NEO1: variants seen among roughly 807,000 people sequenced by gnomAD.
NEO1 encodes the protein neogenin 1, also known as neogenin.
NEO1 carries 63 observed loss-of-function variants against 159.7 expected under a neutral mutation model. That is an observed-to-expected ratio of 0.39 (90% confidence interval 0.32 to 0.49). NEO1 has a LOEUF of 0.49. Among genes scored for constraint, NEO1 ranks in the 20% least tolerant of loss-of-function variants. The probability of loss-of-function intolerance (pLI) is 0.85; values close to 1 mark genes in which losing one functional copy is unlikely to be tolerated. For synonymous variants in NEO1, 633 were observed against 662.0 expected (o/e 0.96, Z 0.67); for missense variants, 1,615 against 1,831.0 (o/e 0.88, Z 2.15).
intron 1 of NEO1, among the ~76,000 whole-genome samples, chr15:73,095,405 G>A (rs981416994): frequency 2.6e-5 from 4 of 152,122 alleles, no homozygotes; most frequent in African/African-American, 9.7e-5. Context: ...GCCCTCTACA[G>A]AAAATATTTG....
chr15:73,275,915 A>G (rs773813244), intron 21 of NEO1, among the ~76,000 whole-genome samples: 1 of 152,170 alleles, frequency 6.6e-6, no homozygotes, highest in Non-Finnish European at 1.5e-5. Flanking sequence ...TAGAATTGCA[A>G]GTTATTTGGA....
chr15:73,262,822 TTCA>T (rs1475456752), intron 15 of NEO1, among the ~76,000 whole-genome samples: 1 of 152,202 alleles, frequency 6.6e-6, no homozygotes, highest in Non-Finnish European at 1.5e-5. Flanking sequence ...ATAACAAATT[TTCA>T]TCAACAGGTA....
At chr15:73,179,627 G>T (rs1257925522) in intron 7 of NEO1, among the ~76,000 whole-genome samples, 2 of 152,150 alleles carry the variant, frequency 1.3e-5, no homozygotes, top group South Asian at 2.1e-4. Context: ...ACATATGCCA[G>T]CTGGCAAAGG....
At chr15:73,104,613 C>G (rs1324298049) in intron 1 of NEO1, among the ~76,000 whole-genome samples, 1 of 152,106 alleles carries the variant, frequency 6.6e-6, no homozygotes, top group Non-Finnish European at 1.5e-5. Flanking sequence ...GATTTGATAG[C>G]CAACAGATGA....
intron 21 of NEO1, among the ~76,000 whole-genome samples, chr15:73,276,323 T>C (rs187946562): frequency 9.4e-4 from 143 of 152,352 alleles, no homozygotes; most frequent in Non-Finnish European, 1.4e-3. Flanking sequence ...TCTTTGACAA[T>C]TAGGTACATA....
chr15:73,184,281 G>A lies in NEO1; in HGVS notation c.1291+5854G>A, dbSNP rs576083014. 7.9e-5 allele frequency among the ~76,000 whole-genome samples: 12 copies of A among 152,142 alleles called. No individual in the cohort carries two copies. In the South Asian group the frequency reaches 8.3e-4, roughly 11 times the overall value. On this transcript the variant is annotated intron_variant, in intron 7 of 28. Coordinates refer to ENST00000261908, the MANE Select transcript of NEO1 (RefSeq NM_002499.4). ...AGCAATTCTCCTGCCTCAGCCTCCC[G>A]AGTAGCTGGGATTACAGGTGCGTGC...
At chr15:73,057,377 C>G (rs1043078885) in intron 1 of NEO1, among the ~76,000 whole-genome samples, 3 of 151,766 alleles carry the variant, frequency 2.0e-5, no homozygotes, top group South Asian at 2.1e-4. Flanking sequence ...GTCTTTTTTC[C>G]AAACACTTTA....
intron 7 of NEO1, among the ~76,000 whole-genome samples, chr15:73,224,334 T>G (rs2038455006): frequency 1.3e-5 from 2 of 152,172 alleles, no homozygotes; most frequent in African/African-American, 4.8e-5. Flanking sequence ...TTTTTGTGCT[T>G]CTTGTATTTG....
At position 73,303,559 on chromosome 15, in the gene NEO1, C is replaced by G. The variant is rs370405748; in HGVS notation, c.*863C>G. The stretch of plus-strand genomic sequence containing the variant: ...TCCTGTGAATGTTTCTGTCATTGTA[C>G]TTTCTTCCAGAAGCCTGCAGAGAAT... On this transcript the variant is annotated 3_prime_UTR_variant, in exon 29 of 29. Coordinates refer to ENST00000261908, the MANE Select transcript of NEO1 (RefSeq NM_002499.4). The G allele has an allele frequency of 3.9e-5, 6 of 151,918 alleles. No individual in the cohort carries two copies. Among genetic ancestry groups the G allele is most frequent in the African/African-American group, 1.5e-4 (6 of 41,192 alleles). The allele number at this position is 151,918 out of a possible 1,614,324, so 9.4% of individuals were successfully genotyped here.
chr15:73,273,510 G>C (rs1211463803), intron 19 of NEO1, among the ~76,000 whole-genome samples: 2 of 152,142 alleles, frequency 1.3e-5, no homozygotes, highest in Non-Finnish European at 2.9e-5. Flanking sequence ...ATAGATTCAT[G>C]GTTGTGATGC....
At chr15:73,064,965 C>T (rs2068142750) in intron 1 of NEO1, among the ~76,000 whole-genome samples, 1 of 151,984 alleles carries the variant, frequency 6.6e-6, no homozygotes, top group Non-Finnish European at 1.5e-5. Context: ...TTCCTGCCTT[C>T]CTTGGATTAT....
chr15:73,163,270 T>C (rs2034320215), intron 5 of NEO1, among the ~76,000 whole-genome samples: 1 of 152,196 alleles, frequency 6.6e-6, no homozygotes, highest in African/African-American at 2.4e-5. Context: ...TTTCAGCTTA[T>C]TCTTTTGGCT....
At chr15:73,281,026 A>C (rs899818226) in intron 22 of NEO1, among the ~76,000 whole-genome samples, 3 of 151,450 alleles carry the variant, frequency 2.0e-5, no homozygotes, top group African/African-American at 7.3e-5. Flanking sequence ...AAACACTGTG[A>C]AACCCCGTCT....
At chr15:73,122,065 A>ATATG (rs1301262175) in intron 2 of NEO1, among the ~76,000 whole-genome samples, 1 of 12,512 alleles carries the variant, frequency 8.0e-5, no homozygotes, top group African/African-American at 4.8e-4. Flanking sequence ...GTGTGTGTGT[A>ATATG]TATATATATA....
intron 5 of NEO1, among the ~76,000 whole-genome samples, chr15:73,150,288 A>G (rs2151831662): frequency 1.3e-5 from 2 of 152,340 alleles, no homozygotes; most frequent in Middle Eastern, 6.8e-3. Flanking sequence ...TTTTCAGAAT[A>G]CAGTGCTTTT....
chr15:73,085,525 G>A (rs2069309658), intron 1 of NEO1, among the ~76,000 whole-genome samples: 1 of 152,136 alleles, frequency 6.6e-6, no homozygotes, highest in African/African-American at 2.4e-5. Context: ...TATGGTAAGT[G>A]TTTAACTTTA....
intron 26 of NEO1, among the ~76,000 whole-genome samples, chr15:73,293,858 C>G (rs1206132585): frequency 1.3e-5 from 2 of 152,178 alleles, no homozygotes; most frequent in Non-Finnish European, 2.9e-5. Context: ...TTTTAATCCT[C>G]TAGTTTGAAA....
chr15:73,298,196 T>C, intron 26 of NEO1, 152 bp from the exon 27 acceptor site: 1 of 879,590 alleles, frequency 1.1e-6, no homozygotes, highest in Non-Finnish European at 1.7e-6. Flanking sequence ...TTCTTATCCC[T>C]GGCAGTGGTG....
chr15:73,301,250 A>G (rs2042599963), intron 27 of NEO1, 71 bp from the exon 28 acceptor site: 7 of 1,595,614 alleles, frequency 4.4e-6, no homozygotes, highest in Non-Finnish European at 6.0e-6. Flanking sequence ...CAGCACTTGG[A>G]CCTTAGGGCC....
Sources: gnomAD v4.1 joint callset for allele counts (sites outside exome capture counted in the v4.1 genomes callset) on GRCh38, gnomAD v4.1.1 for gene constraint, MANE v1.5 for transcripts, NCBI Gene and HGNC (gene_info 2026-07-23, HGNC 2026-07-21) for gene names.